Variants in KDM6A observed in about 807,000 individuals in gnomAD.
KDM6A encodes lysine-specific demethylase 6A.
In KDM6A, 11 loss-of-function variants were observed where a neutral mutation model predicts 117.6. That is an observed-to-expected ratio of 0.09 (90% CI 0.06 to 0.15). KDM6A has a LOEUF of 0.15. Among genes scored for constraint, KDM6A ranks in the 10% least tolerant of loss-of-function variants. The probability of loss-of-function intolerance (pLI) is 1.00; values close to 1 mark genes in which losing one functional copy is unlikely to be tolerated. For missense variants in KDM6A, 799 were observed against 1,077.3 expected (o/e 0.74, Z 3.62); for synonymous variants, 384 against 396.1 (o/e 0.97, Z 0.36).
intron 25 of KDM6A, among the ~76,000 whole-genome samples, chrX:45,089,128 A>AAATAG (rs2045783127): frequency 8.9e-6 from 1 of 112,069 alleles, no homozygotes; most frequent in African/African-American, 3.2e-5. Context: ...CTTCAGTCAA[A>AAATAG]AATAGTCTTT....
At chrX:45,038,318 C>T (rs1407537061) in intron 8 of KDM6A, among the ~76,000 whole-genome samples, 1 of 111,584 alleles carries the variant, frequency 9.0e-6, no homozygotes, top group Non-Finnish European at 1.9e-5. Context: ...AGATGCCTTC[C>T]TTTCTTTTCA....
At chrX:44,892,568 T>G (rs1242322478) in intron 2 of KDM6A, among the ~76,000 whole-genome samples, 1 of 110,800 alleles carries the variant, frequency 9.0e-6, no homozygotes, top group Non-Finnish European at 1.9e-5. Flanking sequence ...TGCCGGCGCT[T>G]GTAGTCCCAG....
intron 6 of KDM6A, among the ~76,000 whole-genome samples, chrX:45,029,120 C>G (rs2042496552): frequency 8.9e-6 from 1 of 111,772 alleles, no homozygotes; most frequent in African/African-American, 3.3e-5. Context: ...ATAAAGCAGT[C>G]ACTGTATTGT....
chrX:45,028,365 T>A (rs1440518517), intron 6 of KDM6A, among the ~76,000 whole-genome samples: 4 of 112,615 alleles, frequency 3.6e-5, no homozygotes, highest in Non-Finnish European at 5.6e-5. Context: ...TTAGTATTAG[T>A]TACACTGTGT....
chrX:44,907,427 G>A (rs1390276142), intron 2 of KDM6A, among the ~76,000 whole-genome samples: 2 of 106,072 alleles, frequency 1.9e-5, no homozygotes, highest in East Asian at 3.0e-4. Context: ...ACAGGCGTGT[G>A]CCACCACGCC....
At chrX:45,042,416 A>T (rs945571448) in intron 8 of KDM6A, among the ~76,000 whole-genome samples, 2 of 109,667 alleles carry the variant, frequency 1.8e-5, no homozygotes, top group African/African-American at 3.4e-5. Flanking sequence ...TGAAAGGATT[A>T]AAAAAAAACT....
chrX:44,973,602 T>C (rs754046704), intron 3 of KDM6A, among the ~76,000 whole-genome samples: 1 of 110,987 alleles, frequency 9.0e-6, no homozygotes, highest in South Asian at 3.7e-4. Flanking sequence ...ATATCTGTTG[T>C]AGGACCCTTC....
chrX:44,875,815 A>G (rs974880020), intron 2 of KDM6A, among the ~76,000 whole-genome samples: 1 of 111,760 alleles, frequency 8.9e-6, no homozygotes, highest in Admixed American at 9.6e-5. Context: ...CTGATGTTTT[A>G]TGTTGAGAAT....
At chrX:45,015,445 A>G (rs2041923605) in intron 5 of KDM6A, among the ~76,000 whole-genome samples, 1 of 111,178 alleles carries the variant, frequency 9.0e-6, no homozygotes, top group Admixed American at 9.6e-5. Context: ...TTTTCATAGC[A>G]CTGTACTAGT....
At chrX:44,992,206 CTTTTTTTTTTTT>C (rs779979560) in intron 4 of KDM6A, among the ~76,000 whole-genome samples, 80 of 32,070 alleles carry the variant, frequency 2.5e-3, no homozygotes, top group African/African-American at 5.0e-3. Flanking sequence ...CTGTCTTCTT[CTTTTTTTTTTTT>C]TTTTTTTTTT....
At chrX:45,058,460 T>G (rs942381116) in intron 10 of KDM6A, among the ~76,000 whole-genome samples, 2 of 111,183 alleles carry the variant, frequency 1.8e-5, no homozygotes, top group African/African-American at 6.5e-5. Context: ...CTTTTTACTT[T>G]ATACTATTTT....
chrX:45,064,507 T>C (rs1184696852), intron 17 of KDM6A, among the ~76,000 whole-genome samples: 1 of 112,453 alleles, frequency 8.9e-6, no homozygotes, highest in African/African-American at 3.2e-5. Flanking sequence ...CATAATGTAT[T>C]CAACGTTAGC....
intron 4 of KDM6A, among the ~76,000 whole-genome samples, chrX:45,010,323 TA>T (rs1191461378): frequency 3.9e-5 from 4 of 102,697 alleles, no homozygotes; most frequent in South Asian, 4.2e-4. Context: ...CTTGTCTCTT[TA>T]AAAAAAAAAG....
At position 44,988,723 on chromosome X, in the gene KDM6A, G is replaced by A. The variant is rs752508292; in HGVS notation, c.384+14008G>A. Among the ~76,000 whole-genome samples the A allele has an allele frequency of 4.0e-3, 445 of 111,047 alleles. 4 individuals carry two copies. Among genetic ancestry groups the A allele is most frequent in the African/African-American group, 0.014 (421 of 30,525 alleles). On this transcript the variant is annotated intron_variant, in intron 4 of 29. Transcript: ENST00000611820. ...TCAGCAGTGGTGGCTGCAGAACAGCGGATATTGGTGAACAGCAAATGTTGC... is the reference window on the plus strand; with the variant it reads ...TCAGCAGTGGTGGCTGCAGAACAGCAGATATTGGTGAACAGCAAATGTTGC...
rs2148037648 is a variant in KDM6A, at chrX:45,069,709, T to C, written c.2210T>C (p.Leu737Pro). 1 of 1,210,077 alleles carries C rather than the reference T, an allele frequency of 8.3e-7. No homozygotes were observed. The highest frequency in any genetic ancestry group is 3.0e-5 in the East Asian group (1 of 33,764). ...CAGAATCAGAACGGACATCCCACCC[T>C]GCCTAGCAATTCAGTAACACAGGGG... Reference protein sequence around the residue: ...GIQNQNGHPTLPSNSVTQGAA... With the variant: ...GIQNQNGHPTPPSNSVTQGAA... Residue 737 changes from leucine (L) to proline (P), a missense_variant, in exon 18 of 30, where the codon CTG becomes CCG. By Grantham distance (98) the Leu-to-Pro change is moderately conservative (BLOSUM62 -3). Transcript: ENST00000611820.
chrX:45,085,197 G>C (rs1450791456), intron 24 of KDM6A, among the ~76,000 whole-genome samples: 2 of 111,491 alleles, frequency 1.8e-5, no homozygotes, highest in Non-Finnish European at 3.8e-5. Flanking sequence ...CCTTGTTATG[G>C]GGTAAACACT....
chrX:45,098,663 T>A lies in KDM6A; in HGVS notation c.4034+7799T>A, dbSNP rs139170591. On this transcript the variant is annotated intron_variant, in intron 27 of 29. Coordinates refer to ENST00000611820, the MANE Select transcript of KDM6A (RefSeq NM_001291415.2). ...ATGGTTCTATTGCTTAGAAAAGGAG[T>A]CTGAGATAATACATTTGTAGCCCTC... Among the ~76,000 whole-genome samples, 357 of 112,018 alleles carry A rather than the reference T, an allele frequency of 3.2e-3. 1 individual carries two copies. The highest frequency in any genetic ancestry group is 0.011 in the African/African-American group (338 of 30,900).
Position 44,918,722 on chromosome X carries a change from T to C in KDM6A, c.226-42562T>C, listed in dbSNP as rs183587686. ...TTGAAGAATTATCAGTTTGAACTAATAAACTAGAATAATTTGTAAGGAAAT... is the reference window on the plus strand; with the variant it reads ...TTGAAGAATTATCAGTTTGAACTAACAAACTAGAATAATTTGTAAGGAAAT... On this transcript the variant is annotated intron_variant, in intron 2 of 29. Transcript: ENST00000611820. Among the ~76,000 whole-genome samples, 251 of 111,844 alleles carry C rather than the reference T, an allele frequency of 2.2e-3. 1 individual carries two copies. The highest frequency in any genetic ancestry group is 2.9e-3 in the Non-Finnish European group (153 of 53,149).
chrX:45,071,840 A>G (rs903264061), intron 18 of KDM6A, among the ~76,000 whole-genome samples: 1 of 110,073 alleles, frequency 9.1e-6, no homozygotes, highest in African/African-American at 3.3e-5. Context: ...CGCGATTTCA[A>G]CTTACCGCAC....
Sources: allele counts gnomAD v4.1 joint callset (sites outside exome capture counted in the v4.1 genomes callset), GRCh38; gene constraint gnomAD v4.1.1; transcripts MANE v1.5; gene names NCBI Gene and HGNC (gene_info 2026-07-23, HGNC 2026-07-21).